The following ABCA7 variants were observed in gnomAD, a reference collection of about 807,000 sequenced individuals.
ABCA7 encodes the protein phospholipid-transporting ATPase ABCA7.
In ABCA7, 261 loss-of-function variants were observed where a neutral mutation model predicts 227.6. That is an observed-to-expected ratio of 1.15 (90% CI 1.04 to 1.27). The LOEUF is 1.27. Ranked by LOEUF, ABCA7 falls within the 50% of genes most tolerant of loss-of-function variation. The probability of loss-of-function intolerance (pLI) is 0.00; values close to 1 mark genes in which losing one functional copy is unlikely to be tolerated. For missense variants in ABCA7, 3,331 were observed against 2,924.5 expected, an observed-to-expected ratio of 1.14 and a Z score of -3.21; for synonymous variants, 1,488 against 1,279.7, an observed-to-expected ratio of 1.16 and a Z score of -3.47.
chr19:1,046,771 C>T, intron 13 of ABCA7, 31 bp from the exon 14 acceptor site: 1 of 1,529,202 alleles, frequency 6.5e-7, no homozygotes, highest in Non-Finnish European at 8.8e-7. Context: ...CGGAGGGTCT[C>T]CAGCCTCCAC....
chr19:1,062,146 T>C (rs1323488189), intron 41 of ABCA7, 26 bp from the exon 42 acceptor site: 2 of 1,609,352 alleles, frequency 1.2e-6, no homozygotes, highest in East Asian at 2.2e-5. Flanking sequence ...GCCAGCTCTC[T>C]GAGCCCCCGG....
rs772680951 is a variant in ABCA7 at position 1,063,565 on chromosome 19, C to A, written c.5734C>A (p.Arg1912Ser). ...ACAGACCGCTGGCTCGGGCCTGGCG[C>A]GTCTGGGACTCTCATGGTACGCAGA... Reference protein sequence around the residue: ...VAQTAGSGLARLGLSWYADRP... With the variant: ...VAQTAGSGLASLGLSWYADRP... Residue 1912 changes from arginine to serine, a missense_variant, in exon 43 of 47, where the codon CGT becomes AGT. Physicochemically the swap from Arg to Ser is moderately radical, Grantham distance 110. Coordinates refer to ENST00000263094, the MANE Select transcript of ABCA7 (RefSeq NM_019112.4). 1 of 1,610,848 alleles carries A rather than the reference C, an allele frequency of 6.2e-7. No individual in the cohort carries two copies. The highest frequency in any genetic ancestry group is 8.5e-7 in the Non-Finnish European group (1 of 1,179,910).
At chr19:1,051,920 T>C (rs1480038051) in intron 21 of ABCA7, 22 bp from the exon 22 acceptor site, 1 of 1,606,044 alleles carries the variant, frequency 6.2e-7, no homozygotes, top group South Asian at 1.1e-5. Context: ...ATGGTAGTTG[T>C]GGGTTGGTCC....
intron 42 of ABCA7, among the ~76,000 whole-genome samples, chr19:1,063,191 A>T (rs1275508430): frequency 8.8e-6 from 1 of 113,512 alleles, no homozygotes; most frequent in Admixed American, 9.0e-5. Context: ...CCCGCCCCAT[A>T]CTCATGCTGG....
At chr19:1,041,150 C>G (rs576084722) in intron 1 of ABCA7, 75 bp from the exon 2 acceptor site, 1 of 608,746 alleles carries the variant, frequency 1.6e-6, no homozygotes, top group African/African-American at 1.8e-5. Flanking sequence ...GGGTTGCGCT[C>G]CCATTGGTTT....
At position 1,051,019 on chromosome 19, in the gene ABCA7, G is replaced by A. The variant is rs768758924; in HGVS notation, c.2651G>A (p.Gly884Asp). The A allele has an allele frequency of 1.2e-6, 2 of 1,612,154 alleles. No homozygotes were observed. The highest frequency in any genetic ancestry group is 1.1e-5 in the South Asian group (1 of 91,008). ...SSMAAIRPHL[G>D]VCPQYNVLFD... ...ATGGCCGCCATCCGGCCCCACCTGG[G>A]CGTCTGTCCTCAGTACAACGTGCTG... The change falls in exon 19 of 47, where the codon GGC (glycine) becomes GAC (aspartate). Residue 884 changes from glycine to aspartate, a missense_variant. Transcript: ENST00000263094.
rs532572366 is a variant in ABCA7, at chr19:1,049,255, C to T, written c.2381-11C>T. The T allele has an allele frequency of 8.8e-6, 14 of 1,588,128 alleles. No individual in the cohort carries two copies. The Admixed American group carries it at 2.1e-4, about 23-fold the overall frequency. On this transcript the variant is annotated splice_polypyrimidine_tract_variant and intron_variant, in intron 17 of 46. Coordinates refer to ENST00000263094, the MANE Select transcript of ABCA7 (RefSeq NM_019112.4). ...ATGACCTCCATGGCTGAGTCCACCC[C>T]ATCTCTGCAGTGCTGGTAGAAGAGG... is the stretch of plus-strand genomic sequence containing the variant.
chr19:1,047,395 G>A lies in ABCA7; in HGVS notation c.2067+17G>A. 5 of 1,556,798 alleles carry A rather than the reference G, an allele frequency of 3.2e-6. No individual in the cohort carries two copies. Among genetic ancestry groups the A allele is most frequent in the Non-Finnish European group, 4.3e-6 (5 of 1,156,654 alleles). ...GTGGCCGCGGTGAGAGCCGGGTCGG[G>A]CGTGGATGGGGGACGCCCCCCGCTT... On this transcript the variant is annotated intron_variant, in intron 15 of 46. Transcript: ENST00000263094.
chr19:1,045,861 G>C (rs1476734587), intron 12 of ABCA7, among the ~76,000 whole-genome samples: 1 of 152,254 alleles, frequency 6.6e-6, no homozygotes, highest in East Asian at 1.9e-4. Flanking sequence ...CAAAAAATTA[G>C]CCGGGCGTGG....
At chr19:1,045,430 G>A (rs1414327567) in intron 12 of ABCA7, 199 bp downstream of exon 12, 3 of 611,088 alleles carry the variant, frequency 4.9e-6, no homozygotes, top group Non-Finnish European at 8.6e-6. Context: ...TGCATGAGGG[G>A]CGTGGCCATG....
chr19:1,052,201 T>C lies in ABCA7; in HGVS notation c.3148-13T>C, dbSNP rs1478989179. On this transcript the variant is annotated splice_polypyrimidine_tract_variant and intron_variant, in intron 22 of 46. Coordinates refer to ENST00000263094, the MANE Select transcript of ABCA7 (RefSeq NM_019112.4). The stretch of plus-strand genomic sequence containing the variant: ...CCTGAAGGCCAAGCCACTTGGTGCC[T>C]CTCTGCCCGCAGGCTGACACTGACA... 6.3e-7 allele frequency: 1 copy of C among 1,594,910 alleles called. No homozygotes were observed. Among genetic ancestry groups the C allele is most frequent in the South Asian group, 1.1e-5 (1 of 88,916 alleles).
chr19:1,048,558 C>A (rs1161431712), intron 16 of ABCA7, among the ~76,000 whole-genome samples: 7 of 149,832 alleles, frequency 4.7e-5, no homozygotes, highest in African/African-American at 1.5e-4. Context: ...GCCTGCTTTC[C>A]CAGCACTTTG....
chr19:1,058,601 C>T lies in ABCA7; in HGVS notation c.5150-17C>T, dbSNP rs2042441614. On this transcript the variant is annotated splice_polypyrimidine_tract_variant and intron_variant, in intron 37 of 46. Coordinates refer to ENST00000263094, the MANE Select transcript of ABCA7 (RefSeq NM_019112.4). ...CAAGACTCTCATGGACCCAGTCCCT[C>T]CTTTCTATATCCACAGGAGACAGGC... The T allele has an allele frequency of 6.2e-7, 1 of 1,613,228 alleles. No homozygotes were observed. Among genetic ancestry groups the T allele is most frequent in the Non-Finnish European group, 8.5e-7 (1 of 1,179,804 alleles).
intron 42 of ABCA7, among the ~76,000 whole-genome samples, chr19:1,062,754 G>T (rs930976496): frequency 7.3e-6 from 1 of 137,860 alleles, no homozygotes; most frequent in African/African-American, 2.7e-5. Context: ...GCCCTGGCCC[G>T]CCCCACCCTC....
In ABCA7 at chr19:1,056,275, T is replaced by C; in HGVS notation, c.4416+32T>C. 7 of 1,593,814 alleles carry C rather than the reference T, an allele frequency of 4.4e-6. No individual in the cohort carries two copies. The highest frequency in any genetic ancestry group is 5.1e-6 in the Non-Finnish European group (6 of 1,167,746). On this transcript the variant is annotated intron_variant, in intron 32 of 46. Coordinates refer to ENST00000263094, the MANE Select transcript of ABCA7 (RefSeq NM_019112.4). The surrounding 1 kb of genome is among the most constrained non-coding windows in gnomAD (Gnocchi z 4.3). ...ACTGGGGGGGCAGGTGGGCGTCCTG[T>C]CACAGCAAGGTCCAACCCCATTGCT...
intron 40 of ABCA7, among the ~76,000 whole-genome samples, chr19:1,060,769 C>T (rs1555699511): frequency 6.6e-6 from 1 of 152,112 alleles, no homozygotes; most frequent in African/African-American, 2.4e-5. Context: ...ATCTGCCCAC[C>T]TCGGCTTCCC....
In ABCA7 at chr19:1,051,953, A is replaced by G. The variant is rs574186698; in HGVS notation, c.2974A>G (p.Ile992Val). Residue 992 changes from isoleucine to valine, a missense_variant, in exon 22 of 47, where the codon ATC (isoleucine) becomes GTC (valine). Coordinates refer to ENST00000263094, the MANE Select transcript of ABCA7 (RefSeq NM_019112.4). ...LLKYREGRTLILSTHHLDEAE... is the reference protein window; with the variant it reads ...LLKYREGRTLVLSTHHLDEAE... ...TCCCCCGTGCCTAGGTCGCACGCTGATCCTCTCCACCCACCACCTGGATGA... is the reference window on the plus strand; with the variant it reads ...TCCCCCGTGCCTAGGTCGCACGCTGGTCCTCTCCACCCACCACCTGGATGA... 41 of 1,611,538 alleles carry G rather than the reference A, an allele frequency of 2.5e-5. No homozygotes were observed. In the South Asian group the frequency reaches 4.1e-4, roughly 16 times the overall value.
rs200421609 is a variant in ABCA7, at chr19:1,049,327, G to C, written c.2442G>C (p.Lys814Asn). ...SPGVSVRSLEKRFPGSPQPAL... is the reference protein window; with the variant it reads ...SPGVSVRSLENRFPGSPQPAL... ...GCGTCTCCGTTCGCAGCCTGGAGAA[G>C]CGCTTTCCTGGAAGCCCGCAGCCAG... Residue 814 changes from lysine to asparagine, a missense_variant, in exon 18 of 47, where the codon AAG becomes AAC. By Grantham distance (94) the Lys-to-Asn change is moderately conservative (BLOSUM62 0). Coordinates refer to ENST00000263094, the MANE Select transcript of ABCA7 (RefSeq NM_019112.4). 3.1e-6 allele frequency: 5 copies of C among 1,611,592 alleles called. No homozygotes were observed. In the African/African-American group the frequency reaches 5.3e-5, roughly 17 times the overall value.
chr19:1,061,891 G>A lies in ABCA7; in HGVS notation c.5570+3G>A, dbSNP rs761866416. ...GAGGCTGTGCTGGCAGGCCACAGGTGAGGGGTGCCAGGTAGGGTCAGGGTG... is the reference window on the plus strand; with the variant it reads ...GAGGCTGTGCTGGCAGGCCACAGGTAAGGGGTGCCAGGTAGGGTCAGGGTG... On this transcript the variant is annotated splice_donor_region_variant and intron_variant, in intron 41 of 46. Transcript: ENST00000263094. 1 of 1,584,282 alleles carries A rather than the reference G, an allele frequency of 6.3e-7. No individual in the cohort carries two copies. Among genetic ancestry groups the A allele is most frequent in the South Asian group, 1.2e-5 (1 of 85,716 alleles).
Sources: allele counts gnomAD v4.1 joint callset (sites outside exome capture counted in the v4.1 genomes callset), GRCh38; gene constraint gnomAD v4.1.1; non-coding constraint Gnocchi (gnomAD v3.1); transcripts MANE v1.5; gene names NCBI Gene and HGNC (gene_info 2026-07-23, HGNC 2026-07-21).